KCTD8: variants seen among roughly 807,000 people sequenced by gnomAD.
KCTD8 encodes the protein potassium channel tetramerization domain containing 8, also known as BTB/POZ domain-containing protein KCTD8.
A neutral mutation model predicts 31.5 loss-of-function variants in KCTD8; 27 were observed. That is an observed-to-expected ratio of 0.86 (90% CI 0.63 to 1.18). KCTD8 has a LOEUF of 1.18. Ranked by LOEUF, KCTD8 falls within the 50% of genes most tolerant of loss-of-function variation. The pLI, the probability that KCTD8 is intolerant of heterozygous loss-of-function variation, is 0.00. For missense variants in KCTD8, 658 were observed against 647.7 expected, an observed-to-expected ratio of 1.02 and a Z score of -0.17; for synonymous variants, 290 against 280.0, an observed-to-expected ratio of 1.04 and a Z score of -0.36.
intron 1 of KCTD8, among the ~76,000 whole-genome samples, chr4:44,272,121 T>TTATATATATATATATATATA (rs34459205): frequency 0.012 from 1,753 of 142,166 alleles, 40 homozygotes; most frequent in African/African-American, 0.046. Flanking sequence ...TGGTATTATA[T>TTATATATATATATATATATA]TATATATATA....
intron 1 of KCTD8, among the ~76,000 whole-genome samples, chr4:44,325,794 G>A (rs183533322): frequency 6.6e-6 from 1 of 152,026 alleles, no homozygotes; most frequent in Admixed American, 6.5e-5. Context: ...CCCTGTAGAA[G>A]GAGGGGTATC....
Position 44,221,358 on chromosome 4 carries a change from TGTGTG to T in KCTD8, c.962-46113_962-46109del, listed in dbSNP as rs534567144. Among the ~76,000 whole-genome samples, 49 of 151,828 alleles carry T rather than the reference TGTGTG, an allele frequency of 3.2e-4. 1 individual carries two copies. In the Middle Eastern group the frequency reaches 0.014, roughly 42 times the overall value. The stretch of plus-strand genomic sequence containing the variant: ...GTGTGTGTGTGTGCATGTGTGTGTG[TGTGTG>T]TGTGTGTTTAGGAGCATCCAGTGGA... On this transcript the variant is annotated intron_variant, in intron 1 of 1. Transcript: ENST00000360029.
At chr4:44,356,038 C>A (rs1416357906) in intron 1 of KCTD8, among the ~76,000 whole-genome samples, 1 of 152,092 alleles carries the variant, frequency 6.6e-6, no homozygotes, top group Non-Finnish European at 1.5e-5. Flanking sequence ...ACATATTCAA[C>A]CCTAAATATA....
At chr4:44,224,062 C>T (rs1433801040) in intron 1 of KCTD8, among the ~76,000 whole-genome samples, 1 of 152,126 alleles carries the variant, frequency 6.6e-6, no homozygotes, top group East Asian at 1.9e-4. Context: ...CACATCACTG[C>T]TAGATTAATA....
At chr4:44,291,914 A>G (rs1274463340) in intron 1 of KCTD8, among the ~76,000 whole-genome samples, 3 of 151,248 alleles carry the variant, frequency 2.0e-5, no homozygotes, top group Non-Finnish European at 2.9e-5. Context: ...ATGCAAATGA[A>G]AGCCACAATG....
intron 1 of KCTD8, among the ~76,000 whole-genome samples, chr4:44,264,811 A>T (rs1258290161): frequency 1.3e-5 from 2 of 152,280 alleles, no homozygotes; most frequent in East Asian, 3.9e-4. Context: ...CTGAGATCAA[A>T]CTGCAAGGCA....
intron 1 of KCTD8, among the ~76,000 whole-genome samples, chr4:44,220,552 C>G (rs1369276938): frequency 6.6e-6 from 1 of 152,140 alleles, no homozygotes; most frequent in Non-Finnish European, 1.5e-5. Context: ...ATTCTGCAAT[C>G]CACTAAGGAG....
intron 1 of KCTD8, among the ~76,000 whole-genome samples, chr4:44,235,012 C>G (rs1206977775): frequency 6.6e-6 from 1 of 152,190 alleles, no homozygotes; most frequent in East Asian, 1.9e-4. Context: ...GAAGGTAAAG[C>G]TTGCTTCTTG....
intron 1 of KCTD8, among the ~76,000 whole-genome samples, chr4:44,193,760 A>G (rs1713839037): frequency 6.6e-6 from 1 of 152,100 alleles, no homozygotes; most frequent in Non-Finnish European, 1.5e-5. Flanking sequence ...CTATTTATCA[A>G]ATGTAAGGGT....
chr4:44,250,688 T>C (rs1405939514), intron 1 of KCTD8, among the ~76,000 whole-genome samples: 2 of 151,816 alleles, frequency 1.3e-5, no homozygotes, highest in East Asian at 3.9e-4. Flanking sequence ...AAACAGATTT[T>C]TCTCTTTTGT....
At chr4:44,366,247 G>T (rs1719631316) in intron 1 of KCTD8, among the ~76,000 whole-genome samples, 1 of 152,176 alleles carries the variant, frequency 6.6e-6, no homozygotes, top group South Asian at 2.1e-4. Flanking sequence ...GACTCATATG[G>T]TTTGGCTCTG....
intron 1 of KCTD8, among the ~76,000 whole-genome samples, chr4:44,289,994 T>C (rs1027481347): frequency 2.6e-5 from 4 of 152,040 alleles, no homozygotes; most frequent in African/African-American, 9.7e-5. Context: ...ATGGTCCAAA[T>C]GCCGCAATAA....
chr4:44,276,184 TC>T, intron 1 of KCTD8, among the ~76,000 whole-genome samples: 1 of 152,102 alleles, frequency 6.6e-6, no homozygotes, highest in Admixed American at 6.6e-5. Flanking sequence ...TATTAATGTA[TC>T]CCCATGTATG....
chr4:44,278,789 C>G (rs1178596940), intron 1 of KCTD8, among the ~76,000 whole-genome samples: 1 of 152,030 alleles, frequency 6.6e-6, no homozygotes, highest in African/African-American at 2.4e-5. Context: ...AACCATGACT[C>G]AAAGAGTTGA....
intron 1 of KCTD8, among the ~76,000 whole-genome samples, chr4:44,305,761 T>C (rs1717783925): frequency 1.3e-5 from 2 of 151,784 alleles, no homozygotes; most frequent in African/African-American, 4.8e-5. Context: ...AAATGAAAAA[T>C]ATGAGTATTT....
chr4:44,436,293 C>G (rs1380563515), intron 1 of KCTD8, among the ~76,000 whole-genome samples: 1 of 152,050 alleles, frequency 6.6e-6, no homozygotes, highest in Non-Finnish European at 1.5e-5. Context: ...AGAAAGCAAG[C>G]AGCCATATAT....
intron 1 of KCTD8, among the ~76,000 whole-genome samples, chr4:44,427,974 T>C (rs1205396377): frequency 2.6e-5 from 4 of 151,786 alleles, no homozygotes; most frequent in Non-Finnish European, 5.9e-5. Flanking sequence ...CTTGTCATTT[T>C]TGACATCTTA....
At chr4:44,402,104 G>A (rs768410966) in intron 1 of KCTD8, among the ~76,000 whole-genome samples, 8 of 152,118 alleles carry the variant, frequency 5.3e-5, no homozygotes, top group East Asian at 1.9e-4. Context: ...TAAAGTGGAC[G>A]TGGCATTTGA....
chr4:44,266,312 G>T (rs1577582985), intron 1 of KCTD8, among the ~76,000 whole-genome samples: 1 of 151,674 alleles, frequency 6.6e-6, no homozygotes. Flanking sequence ...AAGTGAAGGA[G>T]AAATAAAATA....
Sources: allele counts gnomAD v4.1 joint callset (sites outside exome capture counted in the v4.1 genomes callset), GRCh38; gene constraint gnomAD v4.1.1; transcripts MANE v1.5; gene names NCBI Gene and HGNC (gene_info 2026-07-23, HGNC 2026-07-21).